FAM163A: variants seen among roughly 807,000 people sequenced by gnomAD.
FAM163A encodes the protein protein FAM163A.
Under a neutral mutation model 12.0 loss-of-function variants are expected in FAM163A, and 7 were observed. That is an observed-to-expected ratio of 0.58 (90% confidence interval 0.33 to 1.10). The LOEUF (loss-of-function observed/expected upper bound fraction) is 1.10. Ranked by LOEUF, FAM163A falls within the 50% of genes least tolerant of loss-of-function variation. The pLI is 0.03. For missense variants in FAM163A, 202 were observed against 218.6 expected, an observed-to-expected ratio of 0.92 and a Z score of 0.48; for synonymous variants, 101 against 91.0, an observed-to-expected ratio of 1.11 and a Z score of -0.62.
chr1:179,775,829 A>G (rs1688880448), intron 1 of FAM163A, among the ~76,000 whole-genome samples: 1 of 152,254 alleles, frequency 6.6e-6, no homozygotes, highest in Non-Finnish European at 1.5e-5. Flanking sequence ...TTATTCTAGC[A>G]GTGAAGAACA....
At chr1:179,777,571 C>A (rs1287492295) in intron 1 of FAM163A, among the ~76,000 whole-genome samples, 1 of 152,162 alleles carries the variant, frequency 6.6e-6, no homozygotes, top group Non-Finnish European at 1.5e-5. Flanking sequence ...ATCAAGGTCA[C>A]CTGCCAGAAA....
chr1:179,758,709 A>G (rs1422506632), intron 1 of FAM163A, among the ~76,000 whole-genome samples: 1 of 152,232 alleles, frequency 6.6e-6, no homozygotes, highest in African/African-American at 2.4e-5. Flanking sequence ...AGGGCCATGC[A>G]GATTGTTAAA....
At chr1:179,746,221 C>T (rs2504041) in intron 1 of FAM163A, among the ~76,000 whole-genome samples, 93,666 of 152,064 alleles carry the variant, frequency 0.62, 29,623 homozygotes, top group African/African-American at 0.76. Flanking sequence ...AAATTATAAA[C>T]GCCCATGCCA....
At chr1:179,792,224 A>G (rs1364533789) in intron 1 of FAM163A, among the ~76,000 whole-genome samples, 1 of 151,684 alleles carries the variant, frequency 6.6e-6, no homozygotes, top group African/African-American at 2.4e-5. Context: ...GGCTCAAGCA[A>G]TCCTCCTGCC....
chr1:179,814,032 G>T lies in FAM163A; in HGVS notation c.347G>T (p.Gly116Val), dbSNP rs147052174. 23,415 of 1,613,490 alleles carry T rather than the reference G, an allele frequency of 0.015. 200 individuals are homozygous for T. The highest frequency in any genetic ancestry group is 0.018 in the Non-Finnish European group (20,714 of 1,179,620). Residue 116 changes from glycine to valine, a missense_variant, in exon 5 of 5, where the codon GGG (glycine) becomes GTG (valine). Transcript: ENST00000341785. ...CGGACGGCTGACATGGTGCCCAATG[G>T]GGGTGGAGGCGAGAGGCTCTCCTTT... ...YIRTADMVPNGGGGERLSFAP... is the reference protein window; with the variant it reads ...YIRTADMVPNVGGGERLSFAP...
At chr1:179,780,095 G>A (rs1006932741) in intron 1 of FAM163A, among the ~76,000 whole-genome samples, 19 of 152,214 alleles carry the variant, frequency 1.2e-4, no homozygotes, top group African/African-American at 4.6e-4. Flanking sequence ...TTGTGGCCAG[G>A]CAGGTTCATG....
chr1:179,757,809 C>CAAAAG (rs55972752), intron 1 of FAM163A, among the ~76,000 whole-genome samples: 1 of 79,888 alleles, frequency 1.3e-5, no homozygotes, highest in Non-Finnish European at 2.8e-5. Context: ...GAGACTGTCT[C>CAAAAG]AAAACAAAAC....
chr1:179,799,169 C>T (rs1178338553), intron 1 of FAM163A, among the ~76,000 whole-genome samples: 2 of 151,630 alleles, frequency 1.3e-5, no homozygotes, highest in Non-Finnish European at 3.0e-5. Flanking sequence ...CCTATAGATG[C>T]TTCTGCCTTT....
intron 1 of FAM163A, among the ~76,000 whole-genome samples, chr1:179,781,368 T>C (rs941839185): frequency 3.9e-5 from 6 of 152,098 alleles, no homozygotes; most frequent in African/African-American, 1.4e-4. Flanking sequence ...ATGATTCCAC[T>C]TCTCTCTGAT....
intron 1 of FAM163A, among the ~76,000 whole-genome samples, chr1:179,783,246 G>A (rs1290515223): frequency 6.6e-6 from 1 of 152,094 alleles, no homozygotes; most frequent in African/African-American, 2.4e-5. Context: ...AAAAGACTGA[G>A]TAGAAACATG....
chr1:179,792,054 C>G (rs1691585379), intron 1 of FAM163A, among the ~76,000 whole-genome samples: 1 of 152,158 alleles, frequency 6.6e-6, no homozygotes, highest in South Asian at 2.1e-4. Flanking sequence ...GCTCCAAATC[C>G]TGACTGCCAC....
chr1:179,744,809 C>T (rs1039861469), intron 1 of FAM163A, among the ~76,000 whole-genome samples: 1 of 152,228 alleles, frequency 6.6e-6, no homozygotes, highest in Non-Finnish European at 1.5e-5. Context: ...GACGTCTGCG[C>T]AGTTGCGTCT....
At chr1:179,760,931 C>T (rs2148044774) in intron 1 of FAM163A, among the ~76,000 whole-genome samples, 1 of 152,358 alleles carries the variant, frequency 6.6e-6, no homozygotes, top group East Asian at 1.9e-4. Context: ...GCAAACCTGC[C>T]ACTCTCTTCT....
chr1:179,732,389 G>A, the FAM163A span, among the ~76,000 whole-genome samples: 2 of 152,198 alleles, frequency 1.3e-5, no homozygotes, highest in African/African-American at 4.8e-5. Context: ...GCTTTTTTCA[G>A]TGTGGGCACT....
intron 1 of FAM163A, among the ~76,000 whole-genome samples, chr1:179,787,652 T>TGCCA (rs1690845066): frequency 6.6e-6 from 1 of 152,134 alleles, no homozygotes; most frequent in Non-Finnish European, 1.5e-5. Flanking sequence ...TCCCCCAAAG[T>TGCCA]GCCAGCCTTT....
intron 1 of FAM163A, among the ~76,000 whole-genome samples, chr1:179,792,283 TTGTGTGTGTG>T (rs3075152): frequency 6.0e-4 from 80 of 133,658 alleles, no homozygotes; most frequent in African/African-American, 1.5e-3. Context: ...CCATATCTGA[TTGTGTGTGTG>T]TGTGTGTGTG....
At chr1:179,748,259 A>G (rs1416611938) in intron 1 of FAM163A, among the ~76,000 whole-genome samples, 1 of 152,112 alleles carries the variant, frequency 6.6e-6, no homozygotes, top group Non-Finnish European at 1.5e-5. Flanking sequence ...TTTTCCCCAA[A>G]TAAATTCTGG....
At chr1:179,796,323 G>GA (rs1029694647) in intron 1 of FAM163A, among the ~76,000 whole-genome samples, 5 of 150,074 alleles carry the variant, frequency 3.3e-5, no homozygotes, top group African/African-American at 9.8e-5. Context: ...ACTCACAAAA[G>GA]AAAAAAAAAG....
rs150155027 is a variant in FAM163A at position 179,773,147 on chromosome 1, A to G, written c.-136+29724A>G. ...TAGCACTGTATGATCCAATTTATAT[A>G]CCATTCTTGAAATAACAAAATTATA... On this transcript the variant is annotated intron_variant, in intron 1 of 4. Transcript: ENST00000341785. Among the ~76,000 whole-genome samples the G allele has an allele frequency of 9.3e-3, 1,411 of 151,844 alleles. 15 individuals carry two copies. The highest frequency in any genetic ancestry group is 0.031 in the African/African-American group (1,289 of 41,326).
Sources: gnomAD v4.1 joint callset for allele counts (sites outside exome capture counted in the v4.1 genomes callset) on GRCh38, gnomAD v4.1.1 for gene constraint, MANE v1.5 for transcripts, NCBI Gene and HGNC (gene_info 2026-07-23, HGNC 2026-07-21) for gene names.